Variants in NAV3 observed in about 807,000 individuals in gnomAD.
NAV3 encodes the protein neuron navigator 3, also known as pore membrane and/or filament interacting like protein 1.
NAV3 carries 87 observed loss-of-function variants against 244.7 expected under a neutral mutation model. The observed-to-expected ratio is 0.36, with a 90% CI of 0.30 to 0.42. The LOEUF (loss-of-function observed/expected upper bound fraction) is 0.42, where lower values mean the gene tolerates loss of function less well. NAV3 is among the 20% of genes least tolerant of loss of function. The pLI is 1.00. For synonymous variants in NAV3, 1,126 were observed against 1,042.2 expected (o/e 1.08, Z -1.55); for missense variants, 2,663 against 2,893.3 (o/e 0.92, Z 1.83).
intron 29 of NAV3, 40 bp from the exon 30 acceptor site, chr12:78,180,831 A>G: frequency 9.0e-6 from 14 of 1,554,474 alleles, no homozygotes; most frequent in Non-Finnish European, 1.2e-5. Context: ...TCTCAATCAA[A>G]CCAACTCAGT....
intron 3 of NAV3, among the ~76,000 whole-genome samples, chr12:77,951,543 A>G (rs1368796362): frequency 6.6e-6 from 1 of 152,170 alleles, no homozygotes; most frequent in African/African-American, 2.4e-5. Flanking sequence ...TAGAAATACC[A>G]TTTGACCCAG....
At chr12:77,792,487 C>G (rs910310539) in intron 2 of NAV3, among the ~76,000 whole-genome samples, 1 of 152,168 alleles carries the variant, frequency 6.6e-6, no homozygotes, top group African/African-American at 2.4e-5. Context: ...ATACAAGGAA[C>G]CTGCTGCCCT....
chr12:78,096,899 T>C (rs1954282140), intron 12 of NAV3, among the ~76,000 whole-genome samples: 1 of 152,218 alleles, frequency 6.6e-6, no homozygotes, highest in Admixed American at 6.5e-5. Flanking sequence ...CAGTGACCTC[T>C]CTCTGCCTTG....
intron 31 of NAV3, among the ~76,000 whole-genome samples, chr12:78,187,569 A>G (rs1397858806): frequency 1.3e-5 from 2 of 151,878 alleles, no homozygotes; most frequent in Non-Finnish European, 2.9e-5. Flanking sequence ...TACAAAAAAG[A>G]TAGATTTGGA....
At chr12:78,148,349 T>C (rs1956944399) in intron 21 of NAV3, among the ~76,000 whole-genome samples, 1 of 152,020 alleles carries the variant, frequency 6.6e-6, no homozygotes, top group Non-Finnish European at 1.5e-5. Flanking sequence ...GATTGCAGGA[T>C]ATTCCATAGC....
At chr12:78,074,391 T>A (rs982722378) in intron 12 of NAV3, among the ~76,000 whole-genome samples, 1 of 151,732 alleles carries the variant, frequency 6.6e-6, no homozygotes, top group African/African-American at 2.4e-5. Context: ...CTGAAGTGAG[T>A]CTTGGAGGAT....
chr12:77,690,693 C>G (rs1874965645), intron 2 of NAV3, among the ~76,000 whole-genome samples: 1 of 5,332 alleles, frequency 1.9e-4, no homozygotes, highest in South Asian at 6.1e-3. Flanking sequence ...GTTTTCTCCT[C>G]CATTAAAGTG....
At chr12:77,960,898 A>T (rs1275491232) in intron 3 of NAV3, among the ~76,000 whole-genome samples, 1 of 146,588 alleles carries the variant, frequency 6.8e-6, no homozygotes, top group African/African-American at 2.5e-5. Context: ...ATATGAACAT[A>T]TCATATATTC....
chr12:77,690,485 T>C (rs1874954287), intron 2 of NAV3, among the ~76,000 whole-genome samples: 3 of 151,824 alleles, frequency 2.0e-5, no homozygotes, highest in Admixed American at 1.3e-4. Context: ...CATTAAAATA[T>C]GTTTTAAATT....
At chr12:77,574,564 A>G (rs1868989809) in intron 2 of NAV3, among the ~76,000 whole-genome samples, 1 of 152,138 alleles carries the variant, frequency 6.6e-6, no homozygotes, top group Admixed American at 6.5e-5. Context: ...AACAGAACGC[A>G]TTTAGCCTAC....
intron 3 of NAV3, among the ~76,000 whole-genome samples, chr12:77,945,121 GA>G (rs35006584): frequency 0.35 from 50,789 of 145,088 alleles, 8,999 homozygotes; most frequent in African/African-American, 0.46. Context: ...CACTGTTAGA[GA>G]AAAAAAAAAA....
At chr12:77,874,599 T>G (rs184305985) in intron 1 of NAV3, among the ~76,000 whole-genome samples, 108 of 151,806 alleles carry the variant, frequency 7.1e-4, no homozygotes, top group African/African-American at 2.5e-3. Context: ...GTAAACAATT[T>G]CTTGTGGTTA....
chr12:78,053,416 CA>C (rs1296306090), intron 11 of NAV3, among the ~76,000 whole-genome samples: 2 of 152,030 alleles, frequency 1.3e-5, no homozygotes, highest in African/African-American at 2.4e-5. Flanking sequence ...CATTTGGCCA[CA>C]ATATTTTTGT....
chr12:77,621,035 T>C (rs1029423444), intron 2 of NAV3, among the ~76,000 whole-genome samples: 1 of 152,198 alleles, frequency 6.6e-6, no homozygotes, highest in East Asian at 1.9e-4. Flanking sequence ...GTAGCTCAAA[T>C]GTTTAATGCA....
At chr12:78,136,912 C>G (rs1192794755) in intron 18 of NAV3, among the ~76,000 whole-genome samples, 1 of 152,116 alleles carries the variant, frequency 6.6e-6, no homozygotes, top group Non-Finnish European at 1.5e-5. Context: ...ACATTTCTAG[C>G]AAGAGCAGTA....
chr12:78,096,944 C>A (rs1954284715), intron 12 of NAV3, among the ~76,000 whole-genome samples: 1 of 152,148 alleles, frequency 6.6e-6, no homozygotes, highest in Non-Finnish European at 1.5e-5. Flanking sequence ...TGTGCATGCA[C>A]TCACTCTAGT....
At chr12:77,692,423 T>C (rs1875076218) in intron 2 of NAV3, among the ~76,000 whole-genome samples, 1 of 152,112 alleles carries the variant, frequency 6.6e-6, no homozygotes, top group African/African-American at 2.4e-5. Flanking sequence ...ATTTCCTTTC[T>C]AGCCCTCAGT....
chr12:77,584,505 A>G (rs1869511445), intron 2 of NAV3, among the ~76,000 whole-genome samples: 1 of 152,106 alleles, frequency 6.6e-6, no homozygotes, highest in Non-Finnish European at 1.5e-5. Flanking sequence ...TGCTGTCTTT[A>G]CATACCCATG....
At position 78,167,455 on chromosome 12, in the gene NAV3, A is replaced by G. The variant is rs77909414; in HGVS notation, c.4870-1300A>G. 5.5e-3 allele frequency among the ~76,000 whole-genome samples: 835 copies of G among 151,610 alleles called. 8 individuals are homozygous for G. The highest frequency in any genetic ancestry group is 0.019 in the African/African-American group (800 of 41,440). ...GGAAAATGTCAGGTATCCGATGAAA[A>G]TAGATATATGAGGTGCCAGGTATCT... On this transcript the variant is annotated intron_variant, in intron 23 of 39. Coordinates refer to ENST00000397909, the MANE Select transcript of NAV3 (RefSeq NM_001024383.2).
Sources: gnomAD v4.1 joint callset for allele counts (sites outside exome capture counted in the v4.1 genomes callset) on GRCh38, gnomAD v4.1.1 for gene constraint, MANE v1.5 for transcripts, NCBI Gene and HGNC (gene_info 2026-07-23, HGNC 2026-07-21) for gene names.